RNF212B: variants seen among roughly 807,000 people sequenced by gnomAD.
RNF212B encodes ring finger protein 212B, also known as E3 ubiquitin-protein ligase RNF212B.
Under a neutral mutation model 55.5 loss-of-function variants are expected in RNF212B, and 52 were observed. The observed-to-expected ratio is 0.94, with a 90% CI of 0.75 to 1.18. The LOEUF is 1.18. Among genes scored for constraint, RNF212B ranks in the 50% most tolerant of loss-of-function variants. The probability of loss-of-function intolerance (pLI) is 0.00; values close to 1 mark genes in which losing one functional copy is unlikely to be tolerated. For synonymous variants in RNF212B, 99 were observed against 121.4 expected (o/e 0.82, Z 1.21); for missense variants, 289 against 350.4 (o/e 0.82, Z 1.40).
Position 23,272,610 on chromosome 14 carries a change from C to T in RNF212B, c.835-213C>T, listed in dbSNP as rs1886189875. The T allele has an allele frequency of 1.2e-5, 7 of 565,038 alleles. 1 individual carries two copies. In the South Asian group the frequency reaches 1.5e-4, roughly 12 times the overall value. 35.0% of individuals were successfully genotyped at this position (565,038 alleles called of 1,614,324 possible). A position where few individuals can be genotyped will look rare whatever the true frequency, so the allele number is the denominator to read the frequency against. On this transcript the variant is annotated intron_variant, in intron 14 of 14. Transcript: ENST00000430154. ...TTCAAATATTCATCCTTATTATTAT[C>T]ACCATAAGCTACTGAAATGTTCCAG... is the stretch of plus-strand genomic sequence containing the variant.
At chr14:23,196,551 C>T (rs1372501648) in intron 2 of RNF212B, among the ~76,000 whole-genome samples, 2 of 152,120 alleles carry the variant, frequency 1.3e-5, no homozygotes, top group Non-Finnish European at 2.9e-5. Flanking sequence ...GCAATCCTCC[C>T]GCCTCAGCCT....
intron 2 of RNF212B, among the ~76,000 whole-genome samples, chr14:23,201,622 G>A (rs1311099096): frequency 6.6e-6 from 1 of 152,090 alleles, no homozygotes; most frequent in Non-Finnish European, 1.5e-5. Context: ...ATATCTTAAA[G>A]GAGTAATTAG....
intron 12 of RNF212B, among the ~76,000 whole-genome samples, chr14:23,269,339 C>T (rs541208915): frequency 2.0e-5 from 3 of 152,012 alleles, no homozygotes; most frequent in Admixed American, 2.0e-4. Flanking sequence ...TGCCAGCAGT[C>T]CTGGGATTAC....
At chr14:23,200,030 A>AAT (rs1555309450) in intron 2 of RNF212B, among the ~76,000 whole-genome samples, 15 of 152,116 alleles carry the variant, frequency 9.9e-5, no homozygotes, top group Admixed American at 7.2e-4. Context: ...AAAAAAAAAA[A>AAT]TTAGGCAAGA....
chr14:23,233,814 A>G (rs2140424946), upstream of RNF212B, among the ~76,000 whole-genome samples: 4 of 151,346 alleles, frequency 2.6e-5, no homozygotes, highest in Middle Eastern at 0.01. Context: ...AAAAATGGGT[A>G]GGTTGGGCAT....
intron 2 of RNF212B, among the ~76,000 whole-genome samples, chr14:23,222,411 T>C (rs1160032905): frequency 1.3e-5 from 2 of 152,140 alleles, no homozygotes; most frequent in Non-Finnish European, 2.9e-5. Flanking sequence ...TTTAGACATA[T>C]ACAACCTACC....
At chr14:23,207,007 C>G (rs183386022) in intron 2 of RNF212B, among the ~76,000 whole-genome samples, 1 of 151,882 alleles carries the variant, frequency 6.6e-6, no homozygotes, top group Non-Finnish European at 1.5e-5. Flanking sequence ...CATACACACA[C>G]ACATCTTGGG....
chr14:23,264,489 A>G (rs1885532055), intron 10 of RNF212B, 134 bp from the exon 11 acceptor site: 1 of 726,568 alleles, frequency 1.4e-6, no homozygotes, highest in African/African-American at 1.8e-5. Context: ...TAAAGTATGG[A>G]TCTTTCTTTG....
intron 1 of RNF212B, among the ~76,000 whole-genome samples, chr14:23,192,844 C>T (rs1286194579): frequency 6.6e-6 from 1 of 151,980 alleles, no homozygotes; most frequent in East Asian, 1.9e-4. Flanking sequence ...GTAATCCCAG[C>T]ACTTTGGGAG....
At chr14:23,268,445 C>T (rs1885846239) in intron 11 of RNF212B, among the ~76,000 whole-genome samples, 1 of 152,184 alleles carries the variant, frequency 6.6e-6, no homozygotes, top group Admixed American at 6.5e-5. Flanking sequence ...AATAAACATT[C>T]TCCAGATTAC....
At chr14:23,263,469 A>T (rs951577336) in intron 9 of RNF212B, among the ~76,000 whole-genome samples, 3 of 152,250 alleles carry the variant, frequency 2.0e-5, no homozygotes, top group African/African-American at 4.8e-5. Context: ...CCAGATTGCC[A>T]GACAAACTGG....
At chr14:23,200,767 C>T (rs1190067906) in intron 2 of RNF212B, among the ~76,000 whole-genome samples, 1 of 152,126 alleles carries the variant, frequency 6.6e-6, no homozygotes, top group Admixed American at 6.5e-5. Flanking sequence ...TTTCCAAGGG[C>T]TTTATTGGCT....
intron 2 of RNF212B, among the ~76,000 whole-genome samples, chr14:23,232,582 TC>T (rs955886395): frequency 1.4e-5 from 2 of 144,440 alleles, no homozygotes; most frequent in Non-Finnish European, 3.0e-5. Flanking sequence ...AGCCACCCCG[TC>T]CGGGAGGGAG....
chr14:23,209,163 A>G (rs1053539894), intron 2 of RNF212B, among the ~76,000 whole-genome samples: 2 of 152,190 alleles, frequency 1.3e-5, no homozygotes, highest in Admixed American at 6.6e-5. Context: ...TGACGTTGCC[A>G]TGGCATTTGT....
chr14:23,207,288 C>T (rs1273320238), intron 2 of RNF212B, among the ~76,000 whole-genome samples: 1 of 152,154 alleles, frequency 6.6e-6, no homozygotes, highest in Non-Finnish European at 1.5e-5. Flanking sequence ...AAACCAGTTT[C>T]TTACCTAGTG....
chr14:23,238,765 A>C (rs185008132), intron 1 of RNF212B, among the ~76,000 whole-genome samples: 1,427 of 132,026 alleles, frequency 0.011, 14 homozygotes, highest in Middle Eastern at 0.029. Flanking sequence ...TAATAATAAT[A>C]ATAATAATAA....
chr14:23,249,735 C>T (rs1176661931), intron 4 of RNF212B, among the ~76,000 whole-genome samples: 3 of 152,122 alleles, frequency 2.0e-5, no homozygotes, highest in Admixed American at 6.5e-5. Flanking sequence ...CTGTGCAACC[C>T]AAAACATAAC....
At chr14:23,269,254 C>G (rs1885907857) in intron 12 of RNF212B, among the ~76,000 whole-genome samples, 1 of 151,960 alleles carries the variant, frequency 6.6e-6, no homozygotes, top group African/African-American at 2.4e-5. Context: ...AGTGAGCTGA[C>G]ATGGTGTCAC....
intron 2 of RNF212B, among the ~76,000 whole-genome samples, chr14:23,194,747 A>AT (rs1206239640): frequency 1.3e-5 from 2 of 151,124 alleles, no homozygotes; most frequent in African/African-American, 4.9e-5. Context: ...AAAAAAAAAA[A>AT]AAAAAAAAAA....
Sources: gnomAD v4.1 joint callset for allele counts (sites outside exome capture counted in the v4.1 genomes callset) on GRCh38, gnomAD v4.1.1 for gene constraint, MANE v1.5 for transcripts, NCBI Gene and HGNC (gene_info 2026-07-23, HGNC 2026-07-21) for gene names.